The following UCP1 variants were observed in gnomAD, a reference collection of about 807,000 sequenced individuals.
The protein encoded by UCP1 is mitochondrial brown fat uncoupling protein 1.
Under a neutral mutation model 26.2 loss-of-function variants are expected in UCP1, and 24 were observed. The observed-to-expected ratio is 0.92, with a 90% CI of 0.66 to 1.29. The LOEUF is 1.29. Among genes scored for constraint, UCP1 ranks in the 50% most tolerant of loss-of-function variants. The pLI, the probability that UCP1 is intolerant of heterozygous loss-of-function variation, is 0.00. For missense variants in UCP1, 402 were observed against 388.7 expected, an observed-to-expected ratio of 1.03 and a Z score of -0.29; for synonymous variants, 164 against 156.8, an observed-to-expected ratio of 1.05 and a Z score of -0.34.
intron 2 of UCP1, among the ~76,000 whole-genome samples, chr4:140,567,158 A>AT (rs1735817492): frequency 6.6e-6 from 1 of 152,236 alleles, no homozygotes. Flanking sequence ...CACTCAGGAA[A>AT]TATGTTTCCT....
intron 2 of UCP1, among the ~76,000 whole-genome samples, chr4:140,566,801 A>G (rs6818140): frequency 0.2 from 30,976 of 152,136 alleles, 3,266 homozygotes; most frequent in Admixed American, 0.27. Flanking sequence ...TTACTTAACT[A>G]CCCTGATATT....
rs185921413 is a variant in UCP1, at chr4:140,567,837, G to A, written c.267C>T (p.Ala89=). 259 of 1,614,150 alleles carry A rather than the reference G, an allele frequency of 1.6e-4. No homozygotes were observed. The East Asian group carries it at 5.5e-3, about 34-fold the overall frequency. ...TGTCGTAGAGGCCGATCCTGAGAGAGGCGGAGCTGATTTGCCGCTGAAGCC... is the reference window on the plus strand; with the variant it reads ...TGTCGTAGAGGCCGATCCTGAGAGAAGCGGAGCTGATTTGCCGCTGAAGCC... ...PAGLQRQISS[A]SLRIGLYDTV... is the part of the protein sequence containing the mutation. Residue 89 remains alanine (A), a synonymous_variant, in exon 2 of 6, where the codon GCC becomes GCT. Transcript: ENST00000262999.
chr4:140,568,151 GTGTGTT>G (rs1377939788), intron 1 of UCP1, among the ~76,000 whole-genome samples, 174 bp from the exon 2 acceptor site: 2 of 130,608 alleles, frequency 1.5e-5, no homozygotes, highest in Non-Finnish European at 1.7e-5. Context: ...GTGTGTGTGT[GTGTGTT>G]CGCTCACGCG....
At chr4:140,566,257 C>T (rs1009018374) in intron 2 of UCP1, among the ~76,000 whole-genome samples, 2 of 152,234 alleles carry the variant, frequency 1.3e-5, no homozygotes, top group African/African-American at 2.4e-5. Flanking sequence ...CCCCACACAA[C>T]CCATACTCTC....
rs759825652 is a variant in UCP1 at position 140,563,182 on chromosome 4, T to C, written c.556A>G (p.Ile186Val). Residue 186 changes from isoleucine to valine, a missense_variant, in exon 4 of 6, where the codon ATC becomes GTC. Physicochemically the swap from Ile to Val is conservative, Grantham distance 29. Coordinates refer to ENST00000262999, the MANE Select transcript of UCP1 (RefSeq NM_021833.5). ...GTTACTAGCTCTGTACAATTGATGA[T>C]GACACTTCTCATCAGATTGGGAGTA... is the stretch of plus-strand genomic sequence containing the variant. ...GTTPNLMRSV[I>V]INCTELVTYD... 1.2e-6 allele frequency: 2 copies of C among 1,613,626 alleles called. No homozygotes were observed. The highest frequency in any genetic ancestry group is 1.7e-6 in the Non-Finnish European group (2 of 1,179,930).
intron 4 of UCP1, among the ~76,000 whole-genome samples, chr4:140,562,795 T>G (rs1735707428): frequency 6.6e-6 from 1 of 152,186 alleles, no homozygotes; most frequent in Non-Finnish European, 1.5e-5. Context: ...CAGGATGGAC[T>G]TACCTCCTGA....
chr4:140,563,253 A>G, intron 3 of UCP1, 42 bp from the exon 4 acceptor site: 2 of 1,612,516 alleles, frequency 1.2e-6, no homozygotes, highest in Non-Finnish European at 1.7e-6. Context: ...ACTCTACTTT[A>G]CAATAAGTTG....
Position 140,567,824 on chromosome 4 carries a change from C to A in UCP1, c.280G>T (p.Gly94Cys), listed in dbSNP as rs1252461372. Residue 94 changes from glycine (G) to cysteine (C), a missense_variant, in exon 2 of 6, where the codon GGC becomes TGC. Transcript: ENST00000262999. Reference sequence around the variant, plus strand: ...AACTCCTGGACCGTGTCGTAGAGGCCGATCCTGAGAGAGGCGGAGCTGATT... The same window carrying A: ...AACTCCTGGACCGTGTCGTAGAGGCAGATCCTGAGAGAGGCGGAGCTGATT... ...RQISSASLRI[G>C]LYDTVQEFLT... The A allele has an allele frequency of 5.0e-6, 8 of 1,614,096 alleles. No individual in the cohort carries two copies. The highest frequency in any genetic ancestry group is 5.9e-6 in the Non-Finnish European group (7 of 1,180,026).
At chr4:140,562,579 A>T (rs1735701824) in intron 4 of UCP1, among the ~76,000 whole-genome samples, 1 of 152,218 alleles carries the variant, frequency 6.6e-6, no homozygotes, top group Admixed American at 6.5e-5. Flanking sequence ...TTAGGAAAGT[A>T]AACTGTTAGT....
chr4:140,559,673 A>C lies in UCP1; in HGVS notation c.*223T>G. The C allele has an allele frequency of 1.8e-6, 1 of 556,298 alleles. No individual in the cohort carries two copies. The highest frequency in any genetic ancestry group is 3.2e-6 in the Non-Finnish European group (1 of 313,630). The allele number at this position is 556,298 out of a possible 1,614,324, so 34.5% of individuals were successfully genotyped here. A position where few individuals can be genotyped will look rare whatever the true frequency, so the allele number is the denominator to read the frequency against. ...TTATCTGCATTACATTTGCCAGGGT[A>C]TATGCTGAATGTTTTGCTTTCCCCT... On this transcript the variant is annotated 3_prime_UTR_variant, in exon 6 of 6. Coordinates refer to ENST00000262999, the MANE Select transcript of UCP1 (RefSeq NM_021833.5).
At position 140,563,121 on chromosome 4, in the gene UCP1, T is replaced by A; in HGVS notation, c.617A>T (p.Asn206Ile). ...DLMKEAFVKN[N>I]ILADDVPCHL... ...AAATGGGAAGTTACCTGCTAATATG[T>A]TGTTTTTCACAAAGGCCTCCTTCAT... Residue 206 changes from asparagine to isoleucine, a missense_variant, in exon 4 of 6, where the codon AAC (asparagine) becomes ATC (isoleucine). Asn to Ile is a moderately radical substitution (Grantham distance 149). Transcript: ENST00000262999. 6.2e-7 allele frequency: 1 copy of A among 1,613,540 alleles called. No homozygotes were observed. The highest frequency in any genetic ancestry group is 8.5e-7 in the Non-Finnish European group (1 of 1,179,636).
chr4:140,564,297 G>A (rs1163760426), intron 2 of UCP1, among the ~76,000 whole-genome samples: 1 of 151,954 alleles, frequency 6.6e-6, no homozygotes, highest in Non-Finnish European at 1.5e-5. Context: ...CATGTGAAGG[G>A]AACAAAAATA....
At position 140,568,599 on chromosome 4, in the gene UCP1, G is replaced by C; in HGVS notation, c.126+5C>G. 6.2e-7 allele frequency: 1 copy of C among 1,613,690 alleles called. No individual in the cohort carries two copies. Among genetic ancestry groups the C allele is most frequent in the Non-Finnish European group, 8.5e-7 (1 of 1,179,946 alleles). ...ACCCCTTGTCTTACCCCTCTGCCTA[G>C]CTACCTGGAGCCGGACTTTGGCCGT... is the stretch of plus-strand genomic sequence containing the variant. On this transcript the variant is annotated splice_donor_5th_base_variant and intron_variant, in intron 1 of 5. Transcript: ENST00000262999.
chr4:140,568,816 C>G lies in UCP1; in HGVS notation c.-87G>C. The G allele has an allele frequency of 6.5e-7, 1 of 1,528,152 alleles. No homozygotes were observed. The highest frequency in any genetic ancestry group is 2.5e-5 in the East Asian group (1 of 40,750). The allele number at this position is 1,528,152 out of a possible 1,614,324, so 94.7% of individuals were successfully genotyped here. On this transcript the variant is annotated 5_prime_UTR_variant, in exon 1 of 6. Coordinates refer to ENST00000262999, the MANE Select transcript of UCP1 (RefSeq NM_021833.5). ...CCTTTCCCTTGCTCTTCACGCCTGT[C>G]CGCCGGGCAGCAAACCCGATTTCTG...
intron 2 of UCP1, among the ~76,000 whole-genome samples, chr4:140,565,706 T>TTC (rs1489790626): frequency 1.3e-5 from 2 of 152,106 alleles, no homozygotes; most frequent in East Asian, 3.9e-4. Context: ...GGAAGCTCCT[T>TTC]TCTCACCCCT....
In UCP1 at chr4:140,568,767, C is replaced by A; in HGVS notation, c.-38G>T. The A allele has an allele frequency of 6.4e-7, 1 of 1,555,048 alleles. No individual in the cohort carries two copies. Among genetic ancestry groups the A allele is most frequent in the Non-Finnish European group, 8.7e-7 (1 of 1,154,612 alleles). On this transcript the variant is annotated 5_prime_UTR_variant, in exon 1 of 6. Coordinates refer to ENST00000262999, the MANE Select transcript of UCP1 (RefSeq NM_021833.5). ...ACTGGAGATGCAGAGGAAAAGGGCTCCAGCCCCGAAGGTGGAGGAAGTTCC... is the reference window on the plus strand; with the variant it reads ...ACTGGAGATGCAGAGGAAAAGGGCTACAGCCCCGAAGGTGGAGGAAGTTCC...
chr4:140,568,037 G>A, intron 1 of UCP1, 60 bp from the exon 2 acceptor site: 1 of 1,571,370 alleles, frequency 6.4e-7, no homozygotes, highest in Non-Finnish European at 8.7e-7. Context: ...CTTAAGCCAA[G>A]ATTTCCCCCT....
At chr4:140,568,339 T>A (rs1037949425) in intron 1 of UCP1, among the ~76,000 whole-genome samples, 2 of 152,138 alleles carry the variant, frequency 1.3e-5, no homozygotes, top group East Asian at 3.8e-4. Context: ...CTTAAAATAC[T>A]AAGTGCACCC....
At chr4:140,566,976 T>C (rs973424466) in intron 2 of UCP1, among the ~76,000 whole-genome samples, 2 of 152,192 alleles carry the variant, frequency 1.3e-5, no homozygotes, top group Non-Finnish European at 2.9e-5. Flanking sequence ...TGTGTGACCT[T>C]GGGCAAGTGA....
Sources: allele counts gnomAD v4.1 joint callset (sites outside exome capture counted in the v4.1 genomes callset), GRCh38; gene constraint gnomAD v4.1.1; transcripts MANE v1.5; gene names NCBI Gene and HGNC (gene_info 2026-07-23, HGNC 2026-07-21).